ALG13: variants seen among roughly 807,000 people sequenced by gnomAD.
The protein encoded by ALG13 is UDP-N-acetylglucosamine transferase subunit ALG13.
In ALG13, 11 loss-of-function variants were observed where a neutral mutation model predicts 87.8. That is an observed-to-expected ratio of 0.13 (90% CI 0.08 to 0.21). The LOEUF (loss-of-function observed/expected upper bound fraction) is 0.21, where lower values mean the gene tolerates loss of function less well. ALG13 is among the 10% of genes least tolerant of loss of function. ALG13 has a pLI of 1.00. For synonymous variants in ALG13, 320 were observed against 306.3 expected, an observed-to-expected ratio of 1.04 and a Z score of -0.47; for missense variants, 756 against 866.1, an observed-to-expected ratio of 0.87 and a Z score of 1.60.
chrX:111,753,990 A>G (rs944261790), intron 25 of ALG13, among the ~76,000 whole-genome samples: 11 of 111,959 alleles, frequency 9.8e-5, no homozygotes. Context: ...TTTCAGGCCA[A>G]TATCCCTGAT....
intron 12 of ALG13, among the ~76,000 whole-genome samples, chrX:111,721,958 A>G (rs774450873): frequency 9.0e-6 from 1 of 111,476 alleles, no homozygotes; most frequent in East Asian, 2.8e-4. Flanking sequence ...CAATTTTTAG[A>G]TAGCATTAAG....
intron 3 of ALG13, among the ~76,000 whole-genome samples, chrX:111,694,992 A>T (rs971255629): frequency 8.9e-6 from 1 of 112,360 alleles, no homozygotes; most frequent in African/African-American, 3.2e-5. Flanking sequence ...TAGGACTAAG[A>T]TCTATTTTTA....
chrX:111,688,999 C>G (rs1397471118), intron 3 of ALG13: 1 of 738,827 alleles, frequency 1.4e-6, no homozygotes, highest in African/African-American at 2.3e-5. Flanking sequence ...TCATATTATC[C>G]CAACATGCTA....
intron 3 of ALG13, among the ~76,000 whole-genome samples, chrX:111,698,603 C>T (rs1343378941): frequency 8.9e-6 from 1 of 111,892 alleles, no homozygotes; most frequent in Non-Finnish European, 1.9e-5. Context: ...GCATGTAAAT[C>T]ATGCCCTCTT....
At chrX:111,717,149 T>C (rs1207985180) in intron 8 of ALG13, 1 of 110,800 alleles carries the variant, frequency 9.0e-6, no homozygotes, top group African/African-American at 3.3e-5. Context: ...GGAACAGTTA[T>C]ATAAACAAAT....
intron 24 of ALG13, among the ~76,000 whole-genome samples, chrX:111,751,481 C>A (rs1195568791): frequency 1.8e-5 from 2 of 111,869 alleles, no homozygotes; most frequent in Non-Finnish European, 3.8e-5. Flanking sequence ...CATGATATCT[C>A]CAAAGTATGT....
At chrX:111,739,098 G>C (rs1046291581) in intron 23 of ALG13, among the ~76,000 whole-genome samples, 2 of 111,783 alleles carry the variant, frequency 1.8e-5, no homozygotes, top group African/African-American at 6.5e-5. Flanking sequence ...AAAGAAAGAG[G>C]TTTAATTTAC....
intron 3 of ALG13, among the ~76,000 whole-genome samples, chrX:111,692,686 G>A (rs1306172738): frequency 3.6e-5 from 4 of 111,712 alleles, no homozygotes; most frequent in Admixed American, 9.5e-5. Flanking sequence ...TCAAATAATG[G>A]TACCTGTCAG....
chrX:111,719,450 C>T (rs1941126101), intron 10 of ALG13, among the ~76,000 whole-genome samples: 2 of 112,184 alleles, frequency 1.8e-5, no homozygotes, highest in Admixed American at 9.4e-5. Flanking sequence ...CTACAGTAGT[C>T]GGAAAGCAAG....
At position 111,724,996 on chromosome X, in the gene ALG13, A is replaced by G. The variant is rs1198802633; in HGVS notation, c.1664A>G (p.Asn555Ser). The change falls in exon 15 of 27, where the codon AAT becomes AGT. Residue 555 changes from asparagine (N) to serine (S), a missense_variant. By Grantham distance (46) the Asn-to-Ser change is conservative. Around this residue, in one of 9 missense-constraint regions of ALG13, gnomAD observed 362 missense variants for 383.5 expected, o/e 0.94. Transcript: ENST00000394780. The part of the protein sequence containing the change: ...VTQVMSVPAW[N>S]AMPSRKGRGY... ...CAAGTGATGTCTGTTCCTGCCTGGA[A>G]TGCTATGCCCAGTCGGAAAGGAAGA... 3 of 1,209,423 alleles carry G rather than the reference A, an allele frequency of 2.5e-6. No individual in the cohort carries two copies. The African/African-American group carries it at 5.2e-5, about 21-fold the overall frequency.
intron 21 of ALG13, among the ~76,000 whole-genome samples, chrX:111,732,619 A>T (rs1452936181): frequency 2.7e-5 from 3 of 112,223 alleles, no homozygotes; most frequent in Admixed American, 9.4e-5. Flanking sequence ...CAATCCTACC[A>T]TCTATTCAGG....
At chrX:111,714,791 A>T (rs779268825) in intron 8 of ALG13, among the ~76,000 whole-genome samples, 1 of 111,663 alleles carries the variant, frequency 9.0e-6, no homozygotes, top group African/African-American at 3.3e-5. Context: ...GATATATTTT[A>T]AAGTAAATTT....
At chrX:111,681,922 T>C (rs1933457039) in intron 1 of ALG13, 7 of 899,175 alleles carry the variant, frequency 7.8e-6, no homozygotes, top group Non-Finnish European at 9.8e-6. Context: ...CTCTGCGAGC[T>C]GGGTCGCTTA....
intron 3 of ALG13, chrX:111,689,262 G>A (rs1935688933): frequency 1.3e-6 from 1 of 748,213 alleles, no homozygotes; most frequent in African/African-American, 2.3e-5. Context: ...TTATGTTTTA[G>A]GAAAGGTCCT....
chrX:111,699,716 T>C (rs964342834), intron 3 of ALG13, among the ~76,000 whole-genome samples: 2 of 111,536 alleles, frequency 1.8e-5, no homozygotes, highest in African/African-American at 6.5e-5. Context: ...CTTTCTGGGC[T>C]TTCTATCCTG....
chrX:111,695,691 A>G (rs1170242430), intron 3 of ALG13, among the ~76,000 whole-genome samples: 2 of 111,766 alleles, frequency 1.8e-5, no homozygotes, highest in Non-Finnish European at 3.8e-5. Flanking sequence ...TTATTTTGCA[A>G]TTCCGAAGAA....
rs890388657 is a variant in ALG13 at position 111,688,117 on chromosome X, A to C, written c.383+3014A>C. ...AAATAATATAATTAATAAACTTCCTACATCTATAGAATGTATAGGAAATTT... is the reference window on the plus strand; with the variant it reads ...AAATAATATAATTAATAAACTTCCTCCATCTATAGAATGTATAGGAAATTT... On this transcript the variant is annotated intron_variant, in intron 3 of 26. Coordinates refer to ENST00000394780, the MANE Select transcript of ALG13 (RefSeq NM_001099922.3). 9 of 852,474 alleles carry C rather than the reference A, an allele frequency of 1.1e-5. No homozygotes were observed. The African/African-American group carries it at 1.9e-4, about 18-fold the overall frequency. The allele number at this position is 852,474 out of a possible 1,213,427, so 70.3% of individuals were successfully genotyped here. A position where few individuals can be genotyped will look rare whatever the true frequency, so the allele number is the denominator to read the frequency against.
intron 22 of ALG13, among the ~76,000 whole-genome samples, chrX:111,735,742 C>T (rs1453671367): frequency 9.0e-6 from 1 of 111,008 alleles, no homozygotes; most frequent in African/African-American, 3.3e-5. Context: ...ATAGAGACCA[C>T]TGGTGACTTT....
At chrX:111,681,574 G>A (rs1316516230) in intron 1 of ALG13, 2 of 951,032 alleles carry the variant, frequency 2.1e-6, no homozygotes, top group East Asian at 4.3e-5. Context: ...CTGCCCCCGC[G>A]CTCTATTCTC....
Sources: gnomAD v4.1 joint callset for allele counts (sites outside exome capture counted in the v4.1 genomes callset) on GRCh38, gnomAD v4.1.1 for gene constraint, gnomAD v4.1.1 regional missense constraint, MANE v1.5 for transcripts, NCBI Gene and HGNC (gene_info 2026-07-23, HGNC 2026-07-21) for gene names.